The following ZNF804A variants were observed in gnomAD, a reference collection of about 807,000 sequenced individuals.
ZNF804A encodes zinc finger protein 804A.
Under a neutral mutation model 16.5 loss-of-function variants are expected in ZNF804A, and 2 were observed. That is an observed-to-expected ratio of 0.12 (90% confidence interval 0.05 to 0.38). ZNF804A has a LOEUF of 0.38. Among genes scored for constraint, ZNF804A ranks in the 10% least tolerant of loss-of-function variants. ZNF804A has a pLI of 0.99. For missense variants in ZNF804A, 1,473 were observed against 1,390.7 expected (o/e 1.06, Z -0.94); for synonymous variants, 534 against 489.6 (o/e 1.09, Z -1.20).
chr2:184,747,809 TC>T (rs1693813510), intron 1 of ZNF804A, among the ~76,000 whole-genome samples: 1 of 151,226 alleles, frequency 6.6e-6, no homozygotes, highest in African/African-American at 2.4e-5. Context: ...CATTCCTCTC[TC>T]CCCCATTTAG....
At chr2:184,817,378 A>T (rs1460237178) in intron 1 of ZNF804A, among the ~76,000 whole-genome samples, 1 of 151,986 alleles carries the variant, frequency 6.6e-6, no homozygotes, top group African/African-American at 2.4e-5. Flanking sequence ...TCAACAAAAA[A>T]GACCCCACAC....
chr2:184,703,053 T>C (rs1387313178), intron 1 of ZNF804A, among the ~76,000 whole-genome samples: 1 of 152,196 alleles, frequency 6.6e-6, no homozygotes, highest in Non-Finnish European at 1.5e-5. Flanking sequence ...CAGTAGCTCC[T>C]TTTTGATTAT....
chr2:184,900,305 C>A (rs552754345), intron 2 of ZNF804A, among the ~76,000 whole-genome samples: 1 of 152,126 alleles, frequency 6.6e-6, no homozygotes, highest in African/African-American at 2.4e-5. Flanking sequence ...GTACAGTGCC[C>A]CCCTTGAGTG....
At chr2:184,655,971 A>G (rs1399188038) in intron 1 of ZNF804A, among the ~76,000 whole-genome samples, 1 of 152,158 alleles carries the variant, frequency 6.6e-6, no homozygotes, top group South Asian at 2.1e-4. Flanking sequence ...ATGTTAATTG[A>G]TTAATAATTA....
At chr2:184,808,455 C>T (rs1694844003) in intron 1 of ZNF804A, among the ~76,000 whole-genome samples, 2 of 151,510 alleles carry the variant, frequency 1.3e-5, no homozygotes, top group South Asian at 4.1e-4. Flanking sequence ...AAATTATTAT[C>T]AGACAGAAAT....
chr2:184,628,743 C>A (rs1271105796), intron 1 of ZNF804A, among the ~76,000 whole-genome samples: 1 of 151,874 alleles, frequency 6.6e-6, no homozygotes, highest in African/African-American at 2.4e-5. Flanking sequence ...GGTACATGCC[C>A]ATGAGTTTCT....
intron 1 of ZNF804A, among the ~76,000 whole-genome samples, chr2:184,819,190 T>C (rs1695032504): frequency 6.6e-6 from 1 of 151,352 alleles, no homozygotes. Flanking sequence ...CCTCAGCAAA[T>C]GCAAAAGAAA....
chr2:184,895,353 T>A (rs1685048487), intron 2 of ZNF804A, among the ~76,000 whole-genome samples: 1 of 152,024 alleles, frequency 6.6e-6, no homozygotes, highest in Non-Finnish European at 1.5e-5. Flanking sequence ...ACTCAATAAC[T>A]TAAATATGAA....
At chr2:184,830,961 G>A (rs572376768) in intron 1 of ZNF804A, among the ~76,000 whole-genome samples, 3 of 152,034 alleles carry the variant, frequency 2.0e-5, no homozygotes, top group Admixed American at 1.3e-4. Context: ...GTAAGCTAGA[G>A]GGTAAAGAAG....
intron 2 of ZNF804A, among the ~76,000 whole-genome samples, chr2:184,879,579 T>C (rs902612176): frequency 1.3e-5 from 2 of 152,024 alleles, no homozygotes; most frequent in Admixed American, 6.6e-5. Context: ...AACACATTGT[T>C]CATACTTTTT....
At chr2:184,605,235 C>T (rs1045454829) in intron 1 of ZNF804A, among the ~76,000 whole-genome samples, 9 of 151,976 alleles carry the variant, frequency 5.9e-5, no homozygotes, top group African/African-American at 2.2e-4. Context: ...AAAAAGATAG[C>T]AGTTATAATC....
intron 1 of ZNF804A, among the ~76,000 whole-genome samples, chr2:184,758,369 T>C (rs1294438579): frequency 1.6e-5 from 2 of 128,578 alleles, no homozygotes; most frequent in African/African-American, 8.5e-5. Context: ...CACTGATTAT[T>C]TACAAGTCAC....
chr2:184,620,410 T>C (rs1199194086), intron 1 of ZNF804A, among the ~76,000 whole-genome samples: 5 of 151,846 alleles, frequency 3.3e-5, no homozygotes, highest in Admixed American at 6.6e-5. Flanking sequence ...AGGAAGACTA[T>C]CTGTGAAAAT....
At chr2:184,927,685 C>T (rs1432681141) in intron 2 of ZNF804A, among the ~76,000 whole-genome samples, 1 of 152,172 alleles carries the variant, frequency 6.6e-6, no homozygotes, top group African/African-American at 2.4e-5. Context: ...AGCTGGCACT[C>T]AAACCACAAG....
At chr2:184,921,632 A>G (rs1259048384) in intron 2 of ZNF804A, among the ~76,000 whole-genome samples, 2 of 152,170 alleles carry the variant, frequency 1.3e-5, no homozygotes, top group Non-Finnish European at 2.9e-5. Context: ...TTGTGTTTCA[A>G]GCAATCCAGT....
chr2:184,750,577 T>C (rs1196419733), intron 1 of ZNF804A, among the ~76,000 whole-genome samples: 1 of 151,372 alleles, frequency 6.6e-6, no homozygotes, highest in African/African-American at 2.4e-5. Context: ...AGTTTGGAGC[T>C]AAGTATATAC....
chr2:184,693,682 G>A (rs1692769925), intron 1 of ZNF804A, among the ~76,000 whole-genome samples: 1 of 152,062 alleles, frequency 6.6e-6, no homozygotes, highest in Non-Finnish European at 1.5e-5. Flanking sequence ...GTTCCTATAT[G>A]TGCCTATGCA....
chr2:184,828,238 A>G (rs778717753), intron 1 of ZNF804A, among the ~76,000 whole-genome samples: 9 of 151,866 alleles, frequency 5.9e-5, no homozygotes, highest in Non-Finnish European at 1.2e-4. Flanking sequence ...CCATGATCAC[A>G]TGGCTAGTAA....
intron 2 of ZNF804A, among the ~76,000 whole-genome samples, chr2:184,892,554 G>T (rs981818326): frequency 3.6e-5 from 5 of 137,888 alleles, no homozygotes; most frequent in Admixed American, 8.6e-5. Context: ...GCTCGATCTC[G>T]GCTTACTGCA....
Sources: gnomAD v4.1 joint callset for allele counts (sites outside exome capture counted in the v4.1 genomes callset) on GRCh38, gnomAD v4.1.1 for gene constraint, MANE v1.5 for transcripts, NCBI Gene and HGNC (gene_info 2026-07-23, HGNC 2026-07-21) for gene names.